The following EPHB1 variants were observed in gnomAD, a reference collection of about 807,000 sequenced individuals.
EPHB1 encodes the protein EPH receptor B1, also known as ephrin type-B receptor 1.
In EPHB1, 30 loss-of-function variants were observed where a neutral mutation model predicts 94.4. The observed-to-expected ratio is 0.32, with a 90% CI of 0.24 to 0.43. The LOEUF (loss-of-function observed/expected upper bound fraction) is 0.43, where lower values mean the gene tolerates loss of function less well. EPHB1 is among the 20% of genes least tolerant of loss of function. The pLI is 1.00. For missense variants in EPHB1, 1,055 were observed against 1,308.3 expected (o/e 0.81, Z 2.99); for synonymous variants, 522 against 489.1 (o/e 1.07, Z -0.89).
intron 12 of EPHB1, among the ~76,000 whole-genome samples, chr3:135,240,725 T>A (rs1399672335): frequency 1.3e-5 from 2 of 152,196 alleles, no homozygotes; most frequent in Non-Finnish European, 2.9e-5. Flanking sequence ...TCTTTCCTTT[T>A]GTACCATTGC....
At chr3:135,235,361 A>G (rs916857457) in intron 12 of EPHB1, among the ~76,000 whole-genome samples, 48 of 152,232 alleles carry the variant, frequency 3.2e-4, no homozygotes, top group Non-Finnish European at 5.7e-4. Flanking sequence ...GGAATTTGTT[A>G]GGAATGCAAA....
At chr3:134,895,561 A>G (rs555852360) in intron 1 of EPHB1, among the ~76,000 whole-genome samples, 75 of 152,376 alleles carry the variant, frequency 4.9e-4, no homozygotes, top group African/African-American at 9.4e-4. Context: ...AAAAATTAAA[A>G]TATGGTGCTA....
intron 3 of EPHB1, chr3:134,977,972 G>T (rs1394518296): frequency 2.2e-6 from 1 of 456,294 alleles, no homozygotes; most frequent in East Asian, 7.0e-5. Context: ...ACAGTGTCCA[G>T]GCCTTTTTGG....
intron 3 of EPHB1, among the ~76,000 whole-genome samples, chr3:134,961,072 G>A (rs1341112168): frequency 2.6e-5 from 4 of 152,176 alleles, no homozygotes; most frequent in Non-Finnish European, 5.9e-5. Context: ...TAGGTCATGC[G>A]GGTTGGATGG....
chr3:135,031,317 T>C lies in EPHB1; in HGVS notation c.806-75131T>C, dbSNP rs149263819. Among the ~76,000 whole-genome samples the C allele has an allele frequency of 5.3e-3, 800 of 152,250 alleles. 8 individuals carry two copies. The highest frequency in any genetic ancestry group is 0.018 in the African/African-American group (735 of 41,552). On this transcript the variant is annotated intron_variant, in intron 3 of 15. Transcript: ENST00000398015. ...TCTCTCTCTTTCTCCCTTTCTCTCT[T>C]TCTCTGTTTCTTGATGGGGTCTCAC...
At chr3:134,809,355 G>A (rs986596423) in intron 1 of EPHB1, among the ~76,000 whole-genome samples, 1 of 130,888 alleles carries the variant, frequency 7.6e-6, no homozygotes, top group Admixed American at 8.7e-5. Context: ...TCCCAGCTAA[G>A]CAGAAAAAGA....
At chr3:135,122,625 G>T (rs1324057297) in intron 4 of EPHB1, among the ~76,000 whole-genome samples, 2 of 152,078 alleles carry the variant, frequency 1.3e-5, no homozygotes, top group Non-Finnish European at 2.9e-5. Flanking sequence ...AAGGGCTTCT[G>T]CAGCCTCAAG....
chr3:134,956,540 C>G (rs1163564991), intron 3 of EPHB1, among the ~76,000 whole-genome samples: 1 of 152,118 alleles, frequency 6.6e-6, no homozygotes, highest in Non-Finnish European at 1.5e-5. Flanking sequence ...TTGTCTGGGG[C>G]TGTCATGCAC....
In EPHB1 at chr3:134,913,139, G is replaced by A. The variant is rs560071831; in HGVS notation, c.59-12677G>A. On this transcript the variant is annotated intron_variant, in intron 1 of 15. Coordinates refer to ENST00000398015, the MANE Select transcript of EPHB1 (RefSeq NM_004441.5). ...AGTCCTTGCATCCATAGTCGCCCCC[G>A]TCCATCAGTGAACCATATGGAAATG... Among the ~76,000 whole-genome samples, 208 of 152,140 alleles carry A rather than the reference G, an allele frequency of 1.4e-3. 2 individuals are homozygous for A. Among genetic ancestry groups the A allele is most frequent in the Non-Finnish European group, 1.7e-3 (115 of 68,038 alleles).
intron 1 of EPHB1, among the ~76,000 whole-genome samples, chr3:134,921,312 C>G (rs568927186): frequency 6.6e-6 from 1 of 152,220 alleles, no homozygotes; most frequent in Non-Finnish European, 1.5e-5. Context: ...CTCCTCACCA[C>G]TGCCCACCCC....
chr3:135,200,810 G>A (rs1405950165), intron 11 of EPHB1, among the ~76,000 whole-genome samples: 1 of 152,156 alleles, frequency 6.6e-6, no homozygotes, highest in Non-Finnish European at 1.5e-5. Flanking sequence ...GGGAGTTAAA[G>A]GGATGTCCTC....
In EPHB1 at chr3:135,049,225, G is replaced by A. The variant is rs373873199; in HGVS notation, c.806-57223G>A. On this transcript the variant is annotated intron_variant, in intron 3 of 15. Transcript: ENST00000398015. ...TATTTGAATCAAATTACATCTTTAAGCCACTTAATGTGTTCTGATGATCTA... is the reference window on the plus strand; with the variant it reads ...TATTTGAATCAAATTACATCTTTAAACCACTTAATGTGTTCTGATGATCTA... Among the ~76,000 whole-genome samples, 6 of 152,328 alleles carry A rather than the reference G, an allele frequency of 3.9e-5. No homozygotes were observed. The East Asian group carries it at 7.7e-4, about 20-fold the overall frequency.
chr3:135,122,897 C>T (rs747120587), intron 4 of EPHB1, among the ~76,000 whole-genome samples: 1 of 152,154 alleles, frequency 6.6e-6, no homozygotes, highest in Non-Finnish European at 1.5e-5. Flanking sequence ...AGGAGAATTG[C>T]CTGAGTACAG....
At chr3:134,994,819 T>G (rs555669119) in intron 3 of EPHB1, among the ~76,000 whole-genome samples, 23 of 152,388 alleles carry the variant, frequency 1.5e-4, no homozygotes, top group African/African-American at 5.0e-4. Context: ...GAGATAATTA[T>G]GTATTCTCAC....
intron 1 of EPHB1, among the ~76,000 whole-genome samples, chr3:134,888,860 G>A (rs1215160861): frequency 6.6e-6 from 1 of 152,092 alleles, no homozygotes; most frequent in East Asian, 1.9e-4. Context: ...CCATGGGCAA[G>A]GTGGACACAA....
chr3:135,190,414 C>T (rs1942424824), intron 10 of EPHB1, among the ~76,000 whole-genome samples: 1 of 152,116 alleles, frequency 6.6e-6, no homozygotes, highest in Non-Finnish European at 1.5e-5. Context: ...AATATTCTTC[C>T]ATTAGTATAC....
intron 6 of EPHB1, among the ~76,000 whole-genome samples, chr3:135,159,002 C>T (rs1941435919): frequency 6.6e-6 from 1 of 152,066 alleles, no homozygotes; most frequent in African/African-American, 2.4e-5. Flanking sequence ...ATAACTGGAC[C>T]GAAGTTTACT....
chr3:134,856,792 T>TA (rs1404083766), intron 1 of EPHB1, among the ~76,000 whole-genome samples: 2 of 152,256 alleles, frequency 1.3e-5, no homozygotes, highest in Non-Finnish European at 2.9e-5. Context: ...ACTAAATCGT[T>TA]AAAATTAATT....
intron 1 of EPHB1, among the ~76,000 whole-genome samples, chr3:134,841,247 C>G (rs1425545979): frequency 2.0e-5 from 3 of 152,144 alleles, no homozygotes; most frequent in African/African-American, 7.2e-5. Flanking sequence ...TCTCTAGAGC[C>G]TAGGTTAGAT....
Sources: allele counts gnomAD v4.1 joint callset (sites outside exome capture counted in the v4.1 genomes callset), GRCh38; gene constraint gnomAD v4.1.1; transcripts MANE v1.5; gene names NCBI Gene and HGNC (gene_info 2026-07-23, HGNC 2026-07-21).